The following HPSE2 variants were observed in gnomAD, a reference collection of about 807,000 sequenced individuals.
HPSE2 encodes heparanase 2 (inactive).
HPSE2 carries 38 observed loss-of-function variants against 60.5 expected under a neutral mutation model. The ratio of observed to expected loss-of-function variants is 0.63; its 90% CI spans 0.48 to 0.82. HPSE2 has a LOEUF of 0.82. Among genes scored for constraint, HPSE2 ranks in the 40% least tolerant of loss-of-function variants. HPSE2 has a pLI of 0.00. For missense variants in HPSE2, 713 were observed against 740.4 expected (o/e 0.96, Z 0.43); for synonymous variants, 295 against 293.2 (o/e 1.01, Z -0.06).
rs1233183830 is a variant in HPSE2 at position 98,937,240 on chromosome 10, C to G, written c.611-193184G>C. On this transcript the variant is annotated intron_variant, in intron 3 of 11. Coordinates refer to ENST00000370552, the MANE Select transcript of HPSE2 (RefSeq NM_021828.5). ...GGAGTGCCAGACAGTGGGCGCAGGA[C>G]AGTGGGTGCAGCGCACCGTGCGCAA... Among the ~76,000 whole-genome samples the G allele has an allele frequency of 4.5e-4, 64 of 143,810 alleles. 16 individuals are homozygous for G. Among genetic ancestry groups the G allele is most frequent in the African/African-American group, 1.8e-3 (64 of 35,278 alleles). 94.3% of individuals were successfully genotyped at this position (143,810 alleles called of 152,430 possible).
At chr10:98,817,764 G>C (rs554840111) in intron 3 of HPSE2, among the ~76,000 whole-genome samples, 7 of 152,254 alleles carry the variant, frequency 4.6e-5, no homozygotes, top group African/African-American at 1.4e-4. Context: ...GAATAATGAG[G>C]TCACTCTACT....
chr10:99,139,590 T>C (rs866525490), intron 3 of HPSE2, among the ~76,000 whole-genome samples: 2 of 152,194 alleles, frequency 1.3e-5, no homozygotes, highest in Admixed American at 1.3e-4. Flanking sequence ...TATTTATTAC[T>C]TATAAAGCAC....
intron 11 of HPSE2, 31 bp downstream of exon 11, chr10:98,482,605 G>A (rs758371808): frequency 1.2e-6 from 2 of 1,613,480 alleles, no homozygotes; most frequent in Non-Finnish European, 1.7e-6. Flanking sequence ...TGCTGCACTT[G>A]CTCCCGAGCT....
chr10:99,108,855 C>T (rs541252167), intron 3 of HPSE2, among the ~76,000 whole-genome samples: 82 of 152,286 alleles, frequency 5.4e-4, no homozygotes, highest in African/African-American at 1.1e-3. Context: ...ATGCATTTTA[C>T]AATTCATATT....
At chr10:99,232,091 C>G (rs978975967) in intron 2 of HPSE2, among the ~76,000 whole-genome samples, 2 of 152,120 alleles carry the variant, frequency 1.3e-5, no homozygotes, top group Non-Finnish European at 1.5e-5. Context: ...TGGAGAACCC[C>G]CTTTGCGCAA....
chr10:98,820,462 G>A (rs1652877040), intron 3 of HPSE2, among the ~76,000 whole-genome samples: 1 of 152,098 alleles, frequency 6.6e-6, no homozygotes, highest in Non-Finnish European at 1.5e-5. Context: ...GATAGGGGCT[G>A]GCAGGTTCTG....
chr10:98,960,701 C>CTTTTTTTTTTTTTT, intron 3 of HPSE2, among the ~76,000 whole-genome samples: 56 of 57,434 alleles, frequency 9.8e-4, no homozygotes, highest in South Asian at 1.8e-3. Context: ...ATGTACATTT[C>CTTTTTTTTTTTTTT]TTTTTTTTTT....
chr10:99,207,072 A>T (rs1169181438), intron 2 of HPSE2, among the ~76,000 whole-genome samples: 2 of 152,214 alleles, frequency 1.3e-5, no homozygotes, highest in Non-Finnish European at 2.9e-5. Flanking sequence ...TCTTTAATCA[A>T]TTGCAATCCA....
chr10:99,195,564 CACAA>C (rs945642385), intron 2 of HPSE2, among the ~76,000 whole-genome samples: 6 of 151,588 alleles, frequency 4.0e-5, no homozygotes, highest in African/African-American at 4.8e-5. Context: ...TATATGCCAA[CACAA>C]ACAATCTGAA....
chr10:98,701,495 T>TG (rs1338511077), intron 5 of HPSE2, among the ~76,000 whole-genome samples: 1 of 68,768 alleles, frequency 1.5e-5, no homozygotes, highest in African/African-American at 6.1e-5. Context: ...TGTTGTGGGG[T>TG]GGGGGGAGGG....
the HPSE2 span, among the ~76,000 whole-genome samples, chr10:99,287,409 G>C: frequency 6.6e-6 from 1 of 152,074 alleles, no homozygotes; most frequent in African/African-American, 2.4e-5. Context: ...TCCAAGCAAA[G>C]ACTGCCATCA....
rs147305764 is a variant in HPSE2 at position 98,891,995 on chromosome 10, T to C, written c.611-147939A>G. ...CATGTTGCCCAGGCTGGACTCGAAC[T>C]CCTGGGCTCAAGTGATCTGCCCACC... On this transcript the variant is annotated intron_variant, in intron 3 of 11. Coordinates refer to ENST00000370552, the MANE Select transcript of HPSE2 (RefSeq NM_021828.5). Among the ~76,000 whole-genome samples, 261 of 152,228 alleles carry C rather than the reference T, an allele frequency of 1.7e-3. 1 individual carries two copies. The highest frequency in any genetic ancestry group is 5.9e-3 in the African/African-American group (245 of 41,530).
At chr10:98,969,973 T>G (rs1357819881) in intron 3 of HPSE2, among the ~76,000 whole-genome samples, 5 of 151,550 alleles carry the variant, frequency 3.3e-5, no homozygotes, top group African/African-American at 1.2e-4. Flanking sequence ...CACTTTTTTT[T>G]TTTTCTGAGA....
intron 5 of HPSE2, among the ~76,000 whole-genome samples, chr10:98,696,369 T>A (rs1466699366): frequency 6.7e-6 from 1 of 149,144 alleles, no homozygotes; most frequent in Non-Finnish European, 1.5e-5. Context: ...TCAGTTTCTG[T>A]CATCAGAACT....
At chr10:98,629,725 T>G (rs1946310812) in intron 7 of HPSE2, among the ~76,000 whole-genome samples, 1 of 152,214 alleles carries the variant, frequency 6.6e-6, no homozygotes. Flanking sequence ...GGTTCCCTAC[T>G]GCCAGCAGTG....
chr10:99,001,771 T>C (rs1423186978), intron 3 of HPSE2, among the ~76,000 whole-genome samples: 1 of 152,028 alleles, frequency 6.6e-6, no homozygotes, highest in African/African-American at 2.4e-5. Flanking sequence ...GAGTAAAAAA[T>C]ATGACATAAA....
chr10:98,895,215 C>T (rs1428590099), intron 3 of HPSE2, among the ~76,000 whole-genome samples: 1 of 152,054 alleles, frequency 6.6e-6, no homozygotes, highest in Non-Finnish European at 1.5e-5. Flanking sequence ...CACTTCTATA[C>T]AGCTGATCAT....
intron 3 of HPSE2, among the ~76,000 whole-genome samples, chr10:98,959,998 ACAC>A (rs1281767542): frequency 2.6e-5 from 4 of 152,102 alleles, no homozygotes; most frequent in Non-Finnish European, 4.4e-5. Context: ...AAAGCCTCAG[ACAC>A]CACTTCTTCC....
chr10:98,909,247 T>C (rs1953912273), intron 3 of HPSE2, among the ~76,000 whole-genome samples: 1 of 152,208 alleles, frequency 6.6e-6, no homozygotes, highest in Admixed American at 6.5e-5. Context: ...GATAAGGTAA[T>C]TTCTGTAATT....
Sources: gnomAD v4.1 joint callset for allele counts (sites outside exome capture counted in the v4.1 genomes callset) on GRCh38, gnomAD v4.1.1 for gene constraint, MANE v1.5 for transcripts, NCBI Gene and HGNC (gene_info 2026-07-23, HGNC 2026-07-21) for gene names.